Variants in PSTPIP2 observed in about 807,000 individuals in gnomAD.
PSTPIP2 encodes the protein proline-serine-threonine phosphatase-interacting protein 2.
PSTPIP2 carries 33 observed loss-of-function variants against 63.3 expected under a neutral mutation model. The ratio of observed to expected loss-of-function variants is 0.52; its 90% CI spans 0.40 to 0.70. The LOEUF (loss-of-function observed/expected upper bound fraction) is 0.70. PSTPIP2 is among the 30% of genes least tolerant of loss of function. PSTPIP2 has a pLI of 0.00. For synonymous variants in PSTPIP2, 125 were observed against 132.7 expected, an observed-to-expected ratio of 0.94 and a Z score of 0.40; for missense variants, 312 against 400.7, an observed-to-expected ratio of 0.78 and a Z score of 1.89.
chr18:46,001,348 A>C (rs758574223), intron 6 of PSTPIP2, among the ~76,000 whole-genome samples: 1 of 152,184 alleles, frequency 6.6e-6, no homozygotes, highest in Non-Finnish European at 1.5e-5. Context: ...ATGATTAGTG[A>C]TGTTGAGCAT....
chr18:46,016,157 C>T, intron 3 of PSTPIP2: 1 of 541,056 alleles, frequency 1.8e-6, no homozygotes, highest in Non-Finnish European at 3.4e-6. Flanking sequence ...TTGGGGAGAG[C>T]AACATGCCAA....
chr18:46,024,486 C>T lies in PSTPIP2; in HGVS notation c.212+123G>A. ...CCTGGACAAAATAGTGAGATCCCAT[C>T]TCCAAAAAAATTTTTTTTTCAGCCA... On this transcript the variant is annotated intron_variant, in intron 3 of 14. Transcript: ENST00000409746. 3.8e-6 allele frequency: 3 copies of T among 788,740 alleles called. No individual in the cohort carries two copies. The East Asian group carries it at 7.3e-5, about 19-fold the overall frequency. 48.9% of individuals were successfully genotyped at this position (788,740 alleles called of 1,614,324 possible).
chr18:46,047,900 G>T (rs1290467656), intron 1 of PSTPIP2, among the ~76,000 whole-genome samples: 1 of 152,158 alleles, frequency 6.6e-6, no homozygotes, highest in Non-Finnish European at 1.5e-5. Context: ...TTCCCCTGAA[G>T]ATACTTATTA....
Position 45,983,627 on chromosome 18 carries a change from A to G in PSTPIP2, c.*1832T>C, listed in dbSNP as rs761715245. ...CCATCCACAAAACGGTTTTACATCA[A>G]CTACACTGACCAATACAGAGAAAAG... On this transcript the variant is annotated 3_prime_UTR_variant, in exon 15 of 15. Transcript: ENST00000409746. 6 of 152,224 alleles carry G rather than the reference A, an allele frequency of 3.9e-5. No individual in the cohort carries two copies. The highest frequency in any genetic ancestry group is 8.8e-5 in the Non-Finnish European group (6 of 68,046). 9.4% of individuals were successfully genotyped at this position (152,224 alleles called of 1,614,324 possible).
At chr18:45,998,023 G>T (rs955121676) in intron 8 of PSTPIP2, among the ~76,000 whole-genome samples, 195 bp from the exon 9 acceptor site, 7 of 151,948 alleles carry the variant, frequency 4.6e-5, no homozygotes, top group Non-Finnish European at 1.0e-4. Context: ...GCAAAGGAGG[G>T]TATCACTTTC....
In PSTPIP2 at chr18:45,992,206, A is replaced by C; in HGVS notation, c.742-4T>G. The C allele has an allele frequency of 6.4e-7, 1 of 1,562,904 alleles. No homozygotes were observed. Among genetic ancestry groups the C allele is most frequent in the South Asian group, 1.2e-5 (1 of 86,498 alleles). On this transcript the variant is annotated splice_region_variant and splice_polypyrimidine_tract_variant and intron_variant, in intron 10 of 14. Coordinates refer to ENST00000409746, the MANE Select transcript of PSTPIP2 (RefSeq NM_024430.4). The stretch of plus-strand genomic sequence containing the variant: ...TCTTTCGGACTTGTTCGTACATCTA[A>C]TAAAAAAAGGTCAATTAATAGGTAG...
intron 2 of PSTPIP2, among the ~76,000 whole-genome samples, chr18:46,027,210 G>A (rs367827650): frequency 2.4e-4 from 37 of 152,010 alleles, no homozygotes; most frequent in African/African-American, 7.5e-4. Flanking sequence ...CAGGAGAATC[G>A]CTTGAACCGG....
At chr18:46,026,276 A>C (rs1255241992) in intron 2 of PSTPIP2, among the ~76,000 whole-genome samples, 1 of 152,222 alleles carries the variant, frequency 6.6e-6, no homozygotes, top group East Asian at 1.9e-4. Flanking sequence ...AGGGAGGTTG[A>C]AGAAAGGAAG....
Position 46,011,247 on chromosome 18 carries a change from CTG to C in PSTPIP2, c.286_287del (p.Gln96GlufsTer32). The C allele has an allele frequency of 3.1e-6, 5 of 1,613,912 alleles. No homozygotes were observed. The highest frequency in any genetic ancestry group is 4.2e-6 in the Non-Finnish European group (5 of 1,179,960). ...TCTTCCTGGCCTCTTCTCTTAAACT[CTG>C]TGCAAGCTGAATGTGACATTGTGCC... The part of the protein sequence containing the change: ...NVAQCHIQLA[Q>X]SLREEARKME... On this transcript the variant is annotated frameshift_variant, in exon 5 of 15. Transcript: ENST00000409746. LOFTEE classifies it high-confidence loss of function.
intron 14 of PSTPIP2, among the ~76,000 whole-genome samples, chr18:45,987,273 A>G (rs2051477820): frequency 6.6e-6 from 1 of 152,206 alleles, no homozygotes; most frequent in Non-Finnish European, 1.5e-5. Context: ...TTGGTGGTAT[A>G]GAACGCTATA....
chr18:46,032,746 C>A (rs1439554626), intron 2 of PSTPIP2, among the ~76,000 whole-genome samples: 1 of 92,796 alleles, frequency 1.1e-5, no homozygotes, highest in Non-Finnish European at 1.9e-5. Context: ...AAGAGCAAAA[C>A]TCTGTGTCAA....
At chr18:46,025,001 C>T (rs1180730959) in intron 2 of PSTPIP2, among the ~76,000 whole-genome samples, 2 of 152,146 alleles carry the variant, frequency 1.3e-5, no homozygotes, top group Non-Finnish European at 2.9e-5. Flanking sequence ...TCTAAGAGTG[C>T]CCTTTACCAT....
At chr18:46,005,600 C>T (rs903499730) in intron 5 of PSTPIP2, 69 bp from the exon 6 acceptor site, 24 of 1,162,802 alleles carry the variant, frequency 2.1e-5, no homozygotes, top group Non-Finnish European at 2.8e-5. Context: ...AAATCATTAT[C>T]AATACCAGCT....
chr18:46,026,639 G>A (rs78827201), intron 2 of PSTPIP2, among the ~76,000 whole-genome samples: 1 of 152,210 alleles, frequency 6.6e-6, no homozygotes, highest in Non-Finnish European at 1.5e-5. Context: ...ACTTTGGGAG[G>A]CCAAGACGGG....
chr18:46,067,229 G>A (rs982978046), intron 1 of PSTPIP2, among the ~76,000 whole-genome samples: 4 of 151,962 alleles, frequency 2.6e-5, no homozygotes, highest in Non-Finnish European at 5.9e-5. Flanking sequence ...TAGGCTGGGC[G>A]CAGTGGCTCA....
intron 1 of PSTPIP2, among the ~76,000 whole-genome samples, chr18:46,060,498 T>C (rs1421772948): frequency 6.6e-6 from 1 of 152,200 alleles, no homozygotes; most frequent in Non-Finnish European, 1.5e-5. Flanking sequence ...AGTGGTTAGC[T>C]GGGTGGCACT....
intron 1 of PSTPIP2, chr18:46,040,950 A>G (rs1599734873): frequency 2.2e-6 from 1 of 454,838 alleles, no homozygotes; most frequent in East Asian, 7.0e-5. Context: ...GTGCTTCCTC[A>G]TACTGCCGGA....
chr18:46,053,586 T>C (rs1280321415), intron 1 of PSTPIP2, among the ~76,000 whole-genome samples: 1 of 152,220 alleles, frequency 6.6e-6, no homozygotes, highest in Non-Finnish European at 1.5e-5. Flanking sequence ...TGACATTCAA[T>C]TCAGCCAGAC....
At chr18:45,986,043 C>G (rs895279558) in intron 14 of PSTPIP2, among the ~76,000 whole-genome samples, 9 of 152,164 alleles carry the variant, frequency 5.9e-5, no homozygotes, top group African/African-American at 2.2e-4. Flanking sequence ...TCCCAAAGTG[C>G]TAGAATTACA....
Sources: allele counts gnomAD v4.1 joint callset (sites outside exome capture counted in the v4.1 genomes callset), GRCh38; gene constraint gnomAD v4.1.1; transcripts MANE v1.5; gene names NCBI Gene and HGNC (gene_info 2026-07-23, HGNC 2026-07-21).